ITGBL1: variants seen among roughly 807,000 people sequenced by gnomAD.
ITGBL1 encodes the protein integrin beta-like protein 1.
ITGBL1 carries 51 observed loss-of-function variants against 68.5 expected under a neutral mutation model. The observed-to-expected ratio is 0.74, with a 90% CI of 0.59 to 0.94. The LOEUF (loss-of-function observed/expected upper bound fraction) is 0.94. ITGBL1 is among the 40% of genes least tolerant of loss of function. The pLI is 0.00. For missense variants in ITGBL1, 649 were observed against 647.4 expected (o/e 1.00, Z -0.03); for synonymous variants, 209 against 227.3 (o/e 0.92, Z 0.72).
intron 2 of ITGBL1, among the ~76,000 whole-genome samples, chr13:101,472,039 ACAT>A (rs112173229): frequency 0.021 from 3,271 of 152,328 alleles, 115 homozygotes; most frequent in African/African-American, 0.074. Flanking sequence ...AATTATATTG[ACAT>A]CATAAGACAT....
intron 8 of ITGBL1, among the ~76,000 whole-genome samples, chr13:101,699,007 C>T (rs1306987370): frequency 2.6e-5 from 4 of 152,308 alleles, no homozygotes; most frequent in South Asian, 4.1e-4. Context: ...TCTAGTTCAT[C>T]GCTGCAATTT....
At chr13:101,703,745 G>T (rs546249349) in intron 8 of ITGBL1, among the ~76,000 whole-genome samples, 3 of 152,176 alleles carry the variant, frequency 2.0e-5, no homozygotes, top group Admixed American at 6.5e-5. Flanking sequence ...TACATTAAAA[G>T]AAATGAGAAA....
At chr13:101,626,344 C>T (rs2031778657) in intron 7 of ITGBL1, among the ~76,000 whole-genome samples, 1 of 152,142 alleles carries the variant, frequency 6.6e-6, no homozygotes, top group Non-Finnish European at 1.5e-5. Flanking sequence ...TTTAATGGCA[C>T]AGAAAAGAAT....
intron 2 of ITGBL1, among the ~76,000 whole-genome samples, chr13:101,480,144 T>A (rs1211614148): frequency 3.3e-5 from 5 of 151,654 alleles, no homozygotes; most frequent in African/African-American, 1.2e-4. Flanking sequence ...CCATAAAAAA[T>A]GAATGAGATC....
chr13:101,673,141 G>A (rs963647018), intron 7 of ITGBL1, among the ~76,000 whole-genome samples: 7 of 152,180 alleles, frequency 4.6e-5, no homozygotes, highest in Non-Finnish European at 8.8e-5. Flanking sequence ...ATTGAAATAA[G>A]ATTCCTTATC....
At chr13:101,711,013 A>G (rs1208015482) in intron 9 of ITGBL1, 1 of 152,238 alleles carries the variant, frequency 6.6e-6, no homozygotes, top group African/African-American at 2.4e-5. Flanking sequence ...TAGTAATGGA[A>G]TGGGCAACTG....
At chr13:101,569,879 CTG>C (rs2050245357) in intron 3 of ITGBL1, among the ~76,000 whole-genome samples, 1 of 152,108 alleles carries the variant, frequency 6.6e-6, no homozygotes, top group African/African-American at 2.4e-5. Flanking sequence ...GGTGTCTTAA[CTG>C]TGTTATTTCT....
intron 2 of ITGBL1, among the ~76,000 whole-genome samples, chr13:101,462,212 C>T (rs2048327238): frequency 6.6e-6 from 1 of 152,200 alleles, no homozygotes; most frequent in South Asian, 2.1e-4. Context: ...TCCCTTCTTA[C>T]CACCGTCGGA....
At chr13:101,665,210 T>A (rs1023075172) in intron 7 of ITGBL1, among the ~76,000 whole-genome samples, 2 of 152,198 alleles carry the variant, frequency 1.3e-5, no homozygotes, top group South Asian at 2.1e-4. Flanking sequence ...GGGATTTTGA[T>A]GTGGATGCAT....
intron 6 of ITGBL1, among the ~76,000 whole-genome samples, chr13:101,587,277 C>CA (rs2050573069): frequency 6.6e-6 from 1 of 152,164 alleles, no homozygotes; most frequent in African/African-American, 2.4e-5. Flanking sequence ...CTGCACCCAC[C>CA]AAATAAATCA....
chr13:101,601,114 C>T (rs953497731), intron 7 of ITGBL1, among the ~76,000 whole-genome samples: 1 of 152,120 alleles, frequency 6.6e-6, no homozygotes, highest in African/African-American at 2.4e-5. Context: ...ATTTCAGAGC[C>T]TGTTATTGGT....
At chr13:101,509,630 A>G (rs2049083618) in intron 2 of ITGBL1, among the ~76,000 whole-genome samples, 1 of 152,136 alleles carries the variant, frequency 6.6e-6, no homozygotes, top group Admixed American at 6.6e-5. Context: ...ACCTAATTTC[A>G]GATTTGAAAC....
At chr13:101,471,388 A>C (rs1331657473) in intron 2 of ITGBL1, among the ~76,000 whole-genome samples, 1 of 152,164 alleles carries the variant, frequency 6.6e-6, no homozygotes, top group Non-Finnish European at 1.5e-5. Flanking sequence ...CCTCAAGGGC[A>C]GGAATAGTAT....
intron 7 of ITGBL1, among the ~76,000 whole-genome samples, chr13:101,605,852 A>T (rs963708182): frequency 4.7e-5 from 7 of 150,008 alleles, no homozygotes; most frequent in Non-Finnish European, 7.4e-5. Context: ...ATACATATGT[A>T]TGTGTGTATA....
rs3062945 is a variant in ITGBL1, at chr13:101,708,026, AACACACACACACAC to A, written c.1279+1154_1279+1167del. Among the ~76,000 whole-genome samples the A allele has an allele frequency of 4.5e-3, 655 of 144,438 alleles. 8 individuals carry two copies. Among genetic ancestry groups the A allele is most frequent in the African/African-American group, 0.016 (622 of 38,848 alleles). The allele number at this position is 144,438 out of a possible 152,430, so 94.8% of individuals were successfully genotyped here. A position where few individuals can be genotyped will look rare whatever the true frequency, so the allele number is the denominator to read the frequency against. ...CCATCTCCCATCCTACACACATGCA[AACACACACACACAC>A]ACACACACACACACACACACACACA... On this transcript the variant is annotated intron_variant, in intron 9 of 10. Transcript: ENST00000376180.
intron 7 of ITGBL1, among the ~76,000 whole-genome samples, chr13:101,614,828 C>G (rs573175635): frequency 2.0e-5 from 3 of 152,210 alleles, no homozygotes; most frequent in African/African-American, 7.2e-5. Flanking sequence ...TCAGATGCTC[C>G]CCAGAAACCC....
chr13:101,669,153 G>A (rs2033296484), intron 7 of ITGBL1, among the ~76,000 whole-genome samples: 1 of 151,838 alleles, frequency 6.6e-6, no homozygotes, highest in Non-Finnish European at 1.5e-5. Context: ...TTAAATTTTG[G>A]TAGGAAGGAA....
intron 2 of ITGBL1, among the ~76,000 whole-genome samples, chr13:101,482,761 GA>G (rs1422666866): frequency 2.6e-5 from 4 of 152,020 alleles, no homozygotes; most frequent in Non-Finnish European, 5.9e-5. Flanking sequence ...CCGTATAATA[GA>G]AAACCCAAGC....
chr13:101,559,670 A>G (rs2139232573), intron 2 of ITGBL1, among the ~76,000 whole-genome samples: 1 of 152,220 alleles, frequency 6.6e-6, no homozygotes, highest in African/African-American at 2.4e-5. Context: ...GTTGGCTGTC[A>G]TGGGAAAAAC....
Sources: allele counts gnomAD v4.1 joint callset (sites outside exome capture counted in the v4.1 genomes callset), GRCh38; gene constraint gnomAD v4.1.1; transcripts MANE v1.5; gene names NCBI Gene and HGNC (gene_info 2026-07-23, HGNC 2026-07-21).